The following ADAMTS17 variants were observed in gnomAD, a reference collection of about 807,000 sequenced individuals.
The protein encoded by ADAMTS17 is ADAM metallopeptidase with thrombospondin type 1 motif 17, also known as A disintegrin and metalloproteinase with thrombospondin motifs 17.
Under a neutral mutation model 141.5 loss-of-function variants are expected in ADAMTS17, and 113 were observed. That is an observed-to-expected ratio of 0.80 (90% confidence interval 0.69 to 0.93). ADAMTS17 has a LOEUF of 0.93. ADAMTS17 is among the 40% of genes least tolerant of loss of function. The probability of loss-of-function intolerance (pLI) is 0.00; values close to 1 mark genes in which losing one functional copy is unlikely to be tolerated. For missense variants in ADAMTS17, 1,659 were observed against 1,517.9 expected (o/e 1.09, Z -1.54); for synonymous variants, 768 against 630.6 (o/e 1.22, Z -3.27).
chr15:100,060,163 G>A (rs1443133961), intron 15 of ADAMTS17, among the ~76,000 whole-genome samples: 1 of 152,220 alleles, frequency 6.6e-6, no homozygotes, highest in Non-Finnish European at 1.5e-5. Flanking sequence ...TTGCTGGGGA[G>A]ATTTTCCCTT....
chr15:100,219,666 G>A (rs1478149975), intron 7 of ADAMTS17, among the ~76,000 whole-genome samples: 1 of 152,140 alleles, frequency 6.6e-6, no homozygotes, highest in Non-Finnish European at 1.5e-5. Context: ...GTCTTCACAT[G>A]GACAAGGAGA....
intron 4 of ADAMTS17, among the ~76,000 whole-genome samples, 180 bp from the exon 5 acceptor site, chr15:100,262,615 C>G: frequency 6.6e-6 from 1 of 151,922 alleles, no homozygotes; most frequent in East Asian, 1.9e-4. Flanking sequence ...TTACAAGAAA[C>G]ATGCCATTCT....
chr15:100,121,527 A>T (rs2037450929), intron 12 of ADAMTS17, among the ~76,000 whole-genome samples: 1 of 152,196 alleles, frequency 6.6e-6, no homozygotes, highest in African/African-American at 2.4e-5. Flanking sequence ...AAGGCCAAAA[A>T]GAAGTGTGCT....
chr15:100,319,791 G>C (rs547416671), intron 3 of ADAMTS17, among the ~76,000 whole-genome samples: 1 of 151,992 alleles, frequency 6.6e-6, no homozygotes, highest in Middle Eastern at 3.4e-3. Context: ...TAGGTGGGGC[G>C]CGGTGGCTCA....
intron 3 of ADAMTS17, among the ~76,000 whole-genome samples, chr15:100,302,189 G>C (rs1324114804): frequency 6.6e-6 from 1 of 152,112 alleles, no homozygotes; most frequent in Non-Finnish European, 1.5e-5. Flanking sequence ...TTCTGTGTCT[G>C]GTTTCTTTCA....
intron 18 of ADAMTS17, among the ~76,000 whole-genome samples, chr15:100,021,490 T>C (rs1352561325): frequency 6.6e-6 from 1 of 152,066 alleles, no homozygotes; most frequent in African/African-American, 2.4e-5. Flanking sequence ...AAAACAAACA[T>C]GTAATCTCTT....
chr15:100,075,389 T>G (rs1365666842), intron 15 of ADAMTS17, among the ~76,000 whole-genome samples: 1 of 152,214 alleles, frequency 6.6e-6, no homozygotes, highest in Non-Finnish European at 1.5e-5. Context: ...TTTTCTGAAA[T>G]ATGATACTGT....
chr15:100,223,663 A>C (rs1306164768), intron 7 of ADAMTS17, among the ~76,000 whole-genome samples: 4 of 151,252 alleles, frequency 2.6e-5, no homozygotes, highest in Non-Finnish European at 5.9e-5. Context: ...ACACACACAC[A>C]CCCACAGACA....
In ADAMTS17 at chr15:100,262,360, G is replaced by T; in HGVS notation, c.865C>A (p.Gln289Lys). 1 of 1,613,944 alleles carries T rather than the reference G, an allele frequency of 6.2e-7. No individual in the cohort carries two copies. The highest frequency in any genetic ancestry group is 1.3e-5 in the African/African-American group (1 of 75,016). Residue 289 changes from glutamine (Q) to lysine (K), a missense_variant, in exon 5 of 22, where the codon CAA becomes AAA. Physicochemically the swap from Gln to Lys is moderately conservative, Grantham distance 53 (BLOSUM62 1). Coordinates refer to ENST00000268070, the MANE Select transcript of ADAMTS17 (RefSeq NM_139057.4). Reference sequence around the variant, plus strand: ...TGCCTGTGGGGACTTACGGGACGTTGTCGTAGCAGGACAAGCTTGGTCACT... The same window carrying T: ...TGCCTGTGGGGACTTACGGGACGTTTTCGTAGCAGGACAAGCTTGGTCACT... ...IQVTKLVLLR[Q>K]RPAKLSIGHH...
chr15:100,039,734 T>C (rs2031078286), intron 18 of ADAMTS17, among the ~76,000 whole-genome samples: 2 of 152,330 alleles, frequency 1.3e-5, no homozygotes, highest in South Asian at 2.1e-4. Flanking sequence ...TAGATATCTA[T>C]TGGGTTTGGT....
intron 8 of ADAMTS17, among the ~76,000 whole-genome samples, chr15:100,189,324 T>C (rs966439850): frequency 2.6e-5 from 4 of 152,238 alleles, no homozygotes; most frequent in Admixed American, 1.3e-4. Flanking sequence ...AGCGGGGCTT[T>C]GCGAGCTTGT....
At chr15:100,158,508 T>C (rs1174464285) in intron 8 of ADAMTS17, among the ~76,000 whole-genome samples, 1 of 152,300 alleles carries the variant, frequency 6.6e-6, no homozygotes, top group Non-Finnish European at 1.5e-5. Context: ...CAATACAGTA[T>C]TGCGGACTAC....
chr15:100,088,469 A>G (rs1264738926), intron 15 of ADAMTS17, among the ~76,000 whole-genome samples: 2 of 152,254 alleles, frequency 1.3e-5, no homozygotes, highest in African/African-American at 4.8e-5. Context: ...GACTTTCTTC[A>G]CAGAATTGGA....
intron 3 of ADAMTS17, among the ~76,000 whole-genome samples, chr15:100,312,084 AC>A (rs1312616943): frequency 6.6e-6 from 1 of 152,036 alleles, no homozygotes; most frequent in African/African-American, 2.4e-5. Flanking sequence ...GCCTCCCAAC[AC>A]CCCAAGGATG....
intron 6 of ADAMTS17, chr15:100,256,632 T>G (rs972927457): frequency 5.9e-5 from 9 of 151,486 alleles, no homozygotes; most frequent in African/African-American, 9.7e-5. Context: ...CCCCGAGGAG[T>G]TAGATGGTAT....
intron 3 of ADAMTS17, among the ~76,000 whole-genome samples, chr15:100,311,936 T>C (rs1437387530): frequency 6.6e-6 from 1 of 152,006 alleles, no homozygotes; most frequent in Non-Finnish European, 1.5e-5. Flanking sequence ...GAATGCATGG[T>C]TTATTATTTA....
chr15:100,197,673 G>C (rs770257789), intron 8 of ADAMTS17, among the ~76,000 whole-genome samples: 1 of 152,226 alleles, frequency 6.6e-6, no homozygotes, highest in Middle Eastern at 3.4e-3. Flanking sequence ...AGTATCATGG[G>C]ATTTCCTCCC....
At chr15:100,105,620 A>G (rs1297296988) in intron 14 of ADAMTS17, among the ~76,000 whole-genome samples, 1 of 152,164 alleles carries the variant, frequency 6.6e-6, no homozygotes, top group East Asian at 1.9e-4. Context: ...TGATTAGGTC[A>G]AGAGGGGGTA....
At chr15:100,303,707 ATTTAT>A (rs571899626) in intron 3 of ADAMTS17, among the ~76,000 whole-genome samples, 71 of 152,136 alleles carry the variant, frequency 4.7e-4, no homozygotes, top group African/African-American at 8.9e-4. Flanking sequence ...CTTTTTTAAA[ATTTAT>A]TTTATTTTAT....
Sources: gnomAD v4.1 joint callset for allele counts (sites outside exome capture counted in the v4.1 genomes callset) on GRCh38, gnomAD v4.1.1 for gene constraint, MANE v1.5 for transcripts, NCBI Gene and HGNC (gene_info 2026-07-23, HGNC 2026-07-21) for gene names.